Variants in LRRC4C observed in about 807,000 individuals in gnomAD.
LRRC4C encodes leucine-rich repeat-containing protein 4C.
A neutral mutation model predicts 33.6 loss-of-function variants in LRRC4C; 5 were observed. That is an observed-to-expected ratio of 0.15 (90% CI 0.08 to 0.31). LRRC4C has a LOEUF of 0.31. Among genes scored for constraint, LRRC4C ranks in the 10% least tolerant of loss-of-function variants. The pLI is 1.00. For synonymous variants in LRRC4C, 329 were observed against 302.0 expected, an observed-to-expected ratio of 1.09 and a Z score of -0.93; for missense variants, 560 against 796.7, an observed-to-expected ratio of 0.70 and a Z score of 3.58.
rs192215536 is a variant in LRRC4C at position 40,135,722 on chromosome 11, G to A, written c.-43+5079C>T. Among the ~76,000 whole-genome samples the A allele has an allele frequency of 3.9e-4, 59 of 152,252 alleles. 1 individual carries two copies. Among genetic ancestry groups the A allele is most frequent in the Non-Finnish European group, 6.2e-4 (42 of 68,018 alleles). On this transcript the variant is annotated intron_variant, in intron 6 of 6. Coordinates refer to ENST00000528697, the MANE Select transcript of LRRC4C (RefSeq NM_001258419.2). ...ATTTTTAAAAGAATAATCTGAAAAA[G>A]CACGGGGCTGACAGTCCGATTCTAA...
intron 1 of LRRC4C, among the ~76,000 whole-genome samples, chr11:41,455,684 A>G (rs781617412): frequency 3.9e-5 from 6 of 152,186 alleles, no homozygotes; most frequent in Non-Finnish European, 7.3e-5. Context: ...ACTGTAACAC[A>G]TTACATTTCT....
chr11:41,060,990 T>TC (rs1199657774), intron 1 of LRRC4C, among the ~76,000 whole-genome samples: 1 of 145,766 alleles, frequency 6.9e-6, no homozygotes, highest in African/African-American at 2.5e-5. Context: ...CCCCTTCCCC[T>TC]CCCCCCTCCA....
intron 1 of LRRC4C, among the ~76,000 whole-genome samples, chr11:41,140,934 T>C (rs1414048769): frequency 1.3e-5 from 2 of 152,152 alleles, no homozygotes; most frequent in African/African-American, 2.4e-5. Context: ...TCATTTGCTG[T>C]CTTCTGGGGG....
chr11:40,293,024 C>A (rs1456468553), intron 4 of LRRC4C: 4 of 152,062 alleles, frequency 2.6e-5, no homozygotes, highest in Non-Finnish European at 4.4e-5. Context: ...TCCGGCCGGC[C>A]CCTTCGCCAA....
intron 1 of LRRC4C, among the ~76,000 whole-genome samples, chr11:41,352,710 C>T (rs1420314989): frequency 6.6e-6 from 1 of 152,004 alleles, no homozygotes; most frequent in African/African-American, 2.4e-5. Context: ...AAATCAATAT[C>T]AAGAGGATCT....
chr11:40,964,075 T>A (rs1162650359), intron 1 of LRRC4C, among the ~76,000 whole-genome samples: 1 of 151,628 alleles, frequency 6.6e-6, no homozygotes, highest in Admixed American at 6.6e-5. Context: ...CCTGCTGCTA[T>A]TTCTCAATGT....
intron 3 of LRRC4C, among the ~76,000 whole-genome samples, chr11:40,594,062 C>A (rs1233356102): frequency 6.6e-6 from 1 of 152,164 alleles, no homozygotes; most frequent in Non-Finnish European, 1.5e-5. Context: ...TAACTCTTGG[C>A]CTGCTTTGTT....
rs117825648 is a variant in LRRC4C, at chr11:40,217,477, A to G, written c.-96+24042T>C. ...AGGCTCTGGATTGAGTCCTGATTCT[A>G]TCACGTACTACTTTTGTGTATATTT... On this transcript the variant is annotated intron_variant, in intron 5 of 6. Transcript: ENST00000528697. 6.8e-4 allele frequency among the ~76,000 whole-genome samples: 103 copies of G among 152,198 alleles called. 1 individual carries two copies. The East Asian group carries it at 0.01, about 15-fold the overall frequency.
intron 1 of LRRC4C, among the ~76,000 whole-genome samples, chr11:41,126,786 C>A (rs1942764194): frequency 6.6e-6 from 1 of 151,990 alleles, no homozygotes; most frequent in Admixed American, 6.6e-5. Flanking sequence ...GACAGCCTTT[C>A]TGGACAATCC....
At chr11:40,771,425 G>T (rs970989588) in intron 2 of LRRC4C, among the ~76,000 whole-genome samples, 2 of 152,094 alleles carry the variant, frequency 1.3e-5, no homozygotes, top group African/African-American at 4.8e-5. Flanking sequence ...TAGGGCTCTG[G>T]GCCTATGATG....
intron 3 of LRRC4C, among the ~76,000 whole-genome samples, chr11:40,607,148 A>G (rs748061703): frequency 6.6e-6 from 1 of 152,194 alleles, no homozygotes; most frequent in South Asian, 2.1e-4. Flanking sequence ...CGATTTTCCC[A>G]TGTAAACAAA....
intron 2 of LRRC4C, among the ~76,000 whole-genome samples, chr11:40,785,059 G>A (rs938527901): frequency 1.3e-5 from 2 of 152,146 alleles, no homozygotes; most frequent in Non-Finnish European, 2.9e-5. Context: ...CAATGATAAT[G>A]TATGTGTAGA....
At chr11:41,329,815 T>C (rs1951237844) in intron 1 of LRRC4C, among the ~76,000 whole-genome samples, 1 of 152,168 alleles carries the variant, frequency 6.6e-6, no homozygotes, top group Non-Finnish European at 1.5e-5. Context: ...GCAGGGCTGA[T>C]AGAAGTTTCA....
chr11:41,152,443 G>T (rs1944041263), intron 1 of LRRC4C, among the ~76,000 whole-genome samples: 1 of 152,258 alleles, frequency 6.6e-6, no homozygotes, highest in Non-Finnish European at 1.5e-5. Flanking sequence ...GTCCCTGATA[G>T]CCTGATGGCC....
intron 2 of LRRC4C, among the ~76,000 whole-genome samples, chr11:40,842,043 A>G (rs1952938481): frequency 6.6e-6 from 1 of 152,200 alleles, no homozygotes; most frequent in African/African-American, 2.4e-5. Flanking sequence ...TGTTTCTTGC[A>G]CTTCAGGCTT....
At chr11:40,962,975 ACT>A (rs1851076461) in intron 1 of LRRC4C, among the ~76,000 whole-genome samples, 2 of 151,624 alleles carry the variant, frequency 1.3e-5, no homozygotes, top group African/African-American at 2.4e-5. Context: ...ATTAATTCAA[ACT>A]CTGTGGACTT....
In LRRC4C at chr11:41,034,606, C is replaced by CATATATAT. The variant is rs758115530; in HGVS notation, c.-495-100884_-495-100883insATATATAT. The stretch of plus-strand genomic sequence containing the variant: ...TTGTTTTTCTAAAAAAATATGGTGA[C>CATATATAT]GTATATATATATATATATATATATA... On this transcript the variant is annotated intron_variant, in intron 1 of 6. Coordinates refer to ENST00000528697, the MANE Select transcript of LRRC4C (RefSeq NM_001258419.2). 5.4e-3 allele frequency among the ~76,000 whole-genome samples: 589 copies of CATATATAT among 108,422 alleles called. 8 individuals are homozygous for CATATATAT. Among genetic ancestry groups the CATATATAT allele is most frequent in the African/African-American group, 0.011 (286 of 25,274 alleles). The allele number at this position is 108,422 out of a possible 152,430, so 71.1% of individuals were successfully genotyped here. A position where few individuals can be genotyped will look rare whatever the true frequency, so the allele number is the denominator to read the frequency against.
At chr11:40,241,466 C>T (rs904378192) in intron 5 of LRRC4C, 53 bp downstream of exon 5, 3 of 152,110 alleles carry the variant, frequency 2.0e-5, no homozygotes, top group East Asian at 3.9e-4. Flanking sequence ...AAGCCTATCC[C>T]TCATTCCATT....
chr11:40,565,383 T>C (rs912446112), intron 3 of LRRC4C, among the ~76,000 whole-genome samples: 1 of 152,204 alleles, frequency 6.6e-6, no homozygotes, highest in African/African-American at 2.4e-5. Context: ...AATTTCAAGA[T>C]GTACTGTAGA....
Sources: allele counts gnomAD v4.1 joint callset (sites outside exome capture counted in the v4.1 genomes callset), GRCh38; gene constraint gnomAD v4.1.1; transcripts MANE v1.5; gene names NCBI Gene and HGNC (gene_info 2026-07-23, HGNC 2026-07-21).